Variants in ASB9 observed in about 807,000 individuals in gnomAD.
The protein encoded by ASB9 is ankyrin repeat and SOCS box protein 9.
ASB9 carries 5 observed loss-of-function variants against 16.6 expected under a neutral mutation model. The observed-to-expected ratio is 0.30, with a 90% CI of 0.16 to 0.63. The LOEUF is 0.63. Ranked by LOEUF, ASB9 falls within the 30% of genes least tolerant of loss-of-function variation. ASB9 has a pLI of 0.82. For synonymous variants in ASB9, 100 were observed against 86.4 expected (o/e 1.16, Z -0.87); for missense variants, 216 against 229.4 (o/e 0.94, Z 0.38).
At position 15,264,351 on chromosome X, in the gene ASB9, T is replaced by C. The variant is rs1331889465; in HGVS notation, c.95-5406A>G. ...CTAATCTTAACTAATAAGGTCACAT[T>C]CTGAGGCACGGGGGTTAAGAACTTA... On this transcript the variant is annotated intron_variant, in intron 1 of 6. Coordinates refer to ENST00000380488, the MANE Select transcript of ASB9 (RefSeq NM_001031739.3). Among the ~76,000 whole-genome samples, 3 of 111,716 alleles carry C rather than the reference T, an allele frequency of 2.7e-5. No individual in the cohort carries two copies. The East Asian group carries it at 8.4e-4, about 31-fold the overall frequency.
At chrX:15,250,069 T>G (rs1396087697) in intron 5 of ASB9, among the ~76,000 whole-genome samples, 2 of 111,754 alleles carry the variant, frequency 1.8e-5, no homozygotes, top group African/African-American at 6.5e-5. Context: ...ATAGGAAGAT[T>G]CAACACTAAT....
intron 1 of ASB9, among the ~76,000 whole-genome samples, chrX:15,262,924 GC>G (rs1926091601): frequency 8.9e-6 from 1 of 112,413 alleles, no homozygotes; most frequent in Non-Finnish European, 1.9e-5. Context: ...GAGCCACTGC[GC>G]CTGGCCTAGT....
At chrX:15,249,743 G>T (rs1232048649) in intron 5 of ASB9, among the ~76,000 whole-genome samples, 1 of 112,277 alleles carries the variant, frequency 8.9e-6, no homozygotes, top group African/African-American at 3.2e-5. Context: ...GCCCAGAGTG[G>T]CAGAGGTGGG....
intron 3 of ASB9, among the ~76,000 whole-genome samples, chrX:15,253,712 T>C (rs1419185253): frequency 8.9e-6 from 1 of 112,546 alleles, no homozygotes; most frequent in African/African-American, 3.2e-5. Context: ...AATTTCGAAG[T>C]TAATGTCTAA....
Position 15,244,257 on chromosome X carries a change from A to G in ASB9, c.*249T>C, listed in dbSNP as rs1231684719. 7 of 317,215 alleles carry G rather than the reference A, an allele frequency of 2.2e-5. No homozygotes were observed. Among genetic ancestry groups the G allele is most frequent in the Non-Finnish European group, 3.8e-5 (7 of 183,475 alleles). The allele number at this position is 317,215 out of a possible 1,213,427, so 26.1% of individuals were successfully genotyped here. A position where few individuals can be genotyped will look rare whatever the true frequency, so the allele number is the denominator to read the frequency against. ...AACTTATGACACTCTCCATGCAGGG[A>G]AAAAAGTCTTCATGCCTTCTAACTA... On this transcript the variant is annotated 3_prime_UTR_variant, in exon 7 of 7. Coordinates refer to ENST00000380488, the MANE Select transcript of ASB9 (RefSeq NM_001031739.3).
rs780790876 is a variant in ASB9, at chrX:15,244,539, T to C, written c.852A>G (p.Pro284=). 3 of 1,197,499 alleles carry C rather than the reference T, an allele frequency of 2.5e-6. No homozygotes were observed. Among genetic ancestry groups the C allele is most frequent in the South Asian group, 1.8e-5 (1 of 56,610 alleles). Residue 284 remains proline, a synonymous_variant, in exon 7 of 7, where the codon CCA becomes CCG. Transcript: ENST00000380488. ...QHHKITKLVL[P]EDLKQFLLHL ...GTAGGAGAAACTGTTTCAGATCCTC[T>C]GGGAGGACGAGTTTGGTTATCTTAT... is the stretch of plus-strand genomic sequence containing the variant.
rs778131623 is a variant in ASB9, at chrX:15,244,154, C to T, written c.*352G>A. On this transcript the variant is annotated 3_prime_UTR_variant, in exon 7 of 7. Transcript: ENST00000380488. The stretch of plus-strand genomic sequence containing the variant: ...TCTATCCTTACTCTGGAAAATTGGA[C>T]ATCTTGACCCAGTGGCTGTGAGGGC... 16 of 159,088 alleles carry T rather than the reference C, an allele frequency of 1.0e-4. No homozygotes were observed. The highest frequency in any genetic ancestry group is 1.6e-4 in the Non-Finnish European group (14 of 84,939). The allele number at this position is 159,088 out of a possible 1,213,427, so 13.1% of individuals were successfully genotyped here.
chrX:15,250,708 GATTTTATTTTATTTC>G (rs1287834074), intron 4 of ASB9, 144 bp from the exon 5 acceptor site: 57 of 492,719 alleles, frequency 1.2e-4, no homozygotes, highest in Non-Finnish European at 1.8e-4. Flanking sequence ...AATCAGGAGT[GATTTTATTTTATTTC>G]ATTTTATTTT....
At chrX:15,249,009 GC>G in intron 5 of ASB9, 74 bp from the exon 6 acceptor site, 1 of 1,023,979 alleles carries the variant, frequency 9.8e-7, no homozygotes, top group Non-Finnish European at 1.3e-6. Flanking sequence ...AAAGCCCCGA[GC>G]CCCAAAATTT....
At chrX:15,268,224 C>T (rs914040251) in intron 1 of ASB9, among the ~76,000 whole-genome samples, 32 of 106,938 alleles carry the variant, frequency 3.0e-4, no homozygotes, top group Non-Finnish European at 5.6e-4. Context: ...CCCAGCTACT[C>T]GGGAGGCTGA....
At chrX:15,259,131 T>C in intron 1 of ASB9, 186 bp from the exon 2 acceptor site, 2 of 349,690 alleles carry the variant, frequency 5.7e-6, no homozygotes, top group South Asian at 1.7e-4. Flanking sequence ...CACAGTTTGT[T>C]TGAAATGTCT....
In ASB9 at chrX:15,261,671, GT is replaced by G. The variant is rs201349556; in HGVS notation, c.95-2727del. 7.8e-3 allele frequency among the ~76,000 whole-genome samples: 872 copies of G among 112,412 alleles called. 4 individuals carry two copies. The highest frequency in any genetic ancestry group is 0.013 in the Non-Finnish European group (697 of 53,267). Reference sequence around the variant, plus strand: ...AATTTGCACCTCTGCAGAATGTAGTGTTTACAGAGCAGAGACAGCTTGTGTC... The same window carrying G: ...AATTTGCACCTCTGCAGAATGTAGTGTTACAGAGCAGAGACAGCTTGTGTC... On this transcript the variant is annotated intron_variant, in intron 1 of 6. Coordinates refer to ENST00000380488, the MANE Select transcript of ASB9 (RefSeq NM_001031739.3).
chrX:15,245,091 T>C (rs1379811786), intron 6 of ASB9, among the ~76,000 whole-genome samples: 2 of 112,007 alleles, frequency 1.8e-5, no homozygotes, highest in Admixed American at 9.5e-5. Context: ...GTATGTGAAG[T>C]CGTGTTTGTT....
chrX:15,250,337 C>T (rs775850221), intron 5 of ASB9, 93 bp downstream of exon 5: 1 of 1,017,802 alleles, frequency 9.8e-7, no homozygotes, highest in South Asian at 2.3e-5. Context: ...CCATTGCCCA[C>T]ACTAATTTCT....
intron 4 of ASB9, among the ~76,000 whole-genome samples, chrX:15,251,513 T>A (rs1221738457): frequency 1.8e-5 from 2 of 112,392 alleles, no homozygotes; most frequent in East Asian, 5.6e-4. Context: ...AGTTAAGATG[T>A]TCTCAATAAA....
intron 1 of ASB9, among the ~76,000 whole-genome samples, chrX:15,259,355 CCAAA>C (rs1185877702): frequency 1.8e-5 from 2 of 112,482 alleles, no homozygotes; most frequent in South Asian, 3.6e-4. Flanking sequence ...TGGCATCTCA[CCAAA>C]CAGTGTTCTG....
intron 6 of ASB9, among the ~76,000 whole-genome samples, chrX:15,246,750 T>C (rs1924703082): frequency 9.0e-6 from 1 of 111,437 alleles, no homozygotes; most frequent in Non-Finnish European, 1.9e-5. Flanking sequence ...GTGTGGAGAT[T>C]ACAGGCGTGA....
chrX:15,253,885 G>C (rs1925332644), intron 3 of ASB9, among the ~76,000 whole-genome samples: 1 of 111,866 alleles, frequency 8.9e-6, no homozygotes, highest in South Asian at 3.7e-4. Context: ...GCCAGGACCA[G>C]AGTGAGACAT....
chrX:15,254,817 C>T lies in ASB9; in HGVS notation c.202G>A (p.Asp68Asn). 1 of 1,210,447 alleles carries T rather than the reference C, an allele frequency of 8.3e-7. No individual in the cohort carries two copies. Among genetic ancestry groups the T allele is most frequent in the Non-Finnish European group, 1.1e-6 (1 of 894,733 alleles). ...QGWAVNIITA[D>N]HVSPLHEACL... ...GCTTCATGGAGTGGGGAAACATGATCTGCCGTGATGATGTTCACAGCCCAC... is the reference window on the plus strand; with the variant it reads ...GCTTCATGGAGTGGGGAAACATGATTTGCCGTGATGATGTTCACAGCCCAC... The change falls in exon 3 of 7, where the codon GAT (aspartate) becomes AAT (asparagine). Residue 68 changes from aspartate (D) to asparagine (N), a missense_variant. Asp to Asn is a conservative substitution (Grantham distance 23, BLOSUM62 1). Coordinates refer to ENST00000380488, the MANE Select transcript of ASB9 (RefSeq NM_001031739.3).
Sources: allele counts gnomAD v4.1 joint callset (sites outside exome capture counted in the v4.1 genomes callset), GRCh38; gene constraint gnomAD v4.1.1; transcripts MANE v1.5; gene names NCBI Gene and HGNC (gene_info 2026-07-23, HGNC 2026-07-21).